CRHR2: variants seen among roughly 807,000 people sequenced by gnomAD.
The protein encoded by CRHR2 is corticotropin-releasing hormone receptor 2.
A neutral mutation model predicts 57.9 loss-of-function variants in CRHR2; 53 were observed. That is an observed-to-expected ratio of 0.92 (90% CI 0.73 to 1.15). The LOEUF (loss-of-function observed/expected upper bound fraction) is 1.15, where lower values mean the gene tolerates loss of function less well. CRHR2 is among the 50% of genes most tolerant of loss of function. The pLI, the probability that CRHR2 is intolerant of heterozygous loss-of-function variation, is 0.00. For missense variants in CRHR2, 532 were observed against 542.6 expected (o/e 0.98, Z 0.19); for synonymous variants, 213 against 220.9 (o/e 0.96, Z 0.32).
At chr7:30,673,168 A>C (rs1784417738) in intron 2 of CRHR2, among the ~76,000 whole-genome samples, 1 of 151,440 alleles carries the variant, frequency 6.6e-6, no homozygotes. Context: ...CCTGGGGCCT[A>C]GTTGAGAAAT....
At chr7:30,698,525 G>A (rs1441418404) in intron 1 of CRHR2, among the ~76,000 whole-genome samples, 1 of 152,198 alleles carries the variant, frequency 6.6e-6, no homozygotes, top group African/African-American at 2.4e-5. Flanking sequence ...TGTCTTGGGG[G>A]CAGAGGGGTG....
intron 8 of CRHR2, among the ~76,000 whole-genome samples, chr7:30,657,083 TCACA>T (rs55909312): frequency 0.028 from 4,114 of 145,572 alleles, 130 homozygotes; most frequent in African/African-American, 0.084. Context: ...ACACACCCAC[TCACA>T]CACACACACA....
At chr7:30,686,414 C>T, upstream of CRHR2, 1 of 1,534,284 alleles carries the variant, frequency 6.5e-7, no homozygotes, top group East Asian at 2.4e-5. Flanking sequence ...GAGGAAAGCC[C>T]AGGTCCCTGT....
intron 2 of CRHR2, among the ~76,000 whole-genome samples, chr7:30,670,335 C>T (rs1473721883): frequency 6.6e-6 from 1 of 152,210 alleles, no homozygotes; most frequent in Non-Finnish European, 1.5e-5. Flanking sequence ...TCTCTTTGGA[C>T]CTAATCCTTC....
chr7:30,685,025 G>T (rs537314421), upstream of CRHR2, among the ~76,000 whole-genome samples: 2 of 152,330 alleles, frequency 1.3e-5, no homozygotes, highest in East Asian at 3.9e-4. Flanking sequence ...ATAAGTATTT[G>T]GAACAGTTTG....
At chr7:30,662,649 G>A in intron 6 of CRHR2, 45 bp downstream of exon 6, 4 of 1,594,120 alleles carry the variant, frequency 2.5e-6, no homozygotes, top group Non-Finnish European at 1.7e-6. Flanking sequence ...GGCCTGGTGA[G>A]AAGTCCTCCC....
At chr7:30,689,191 C>T in exon 2 of CRHR2, 1 of 1,550,174 alleles carries the variant, frequency 6.5e-7, no homozygotes, top group Non-Finnish European at 8.7e-7. Flanking sequence ...GGGTACCTAC[C>T]TGAGAGGTTG....
intron 2 of CRHR2, among the ~76,000 whole-genome samples, chr7:30,678,491 G>C (rs1384822191): frequency 6.6e-6 from 1 of 152,190 alleles, no homozygotes; most frequent in Non-Finnish European, 1.5e-5. Context: ...CCATGCGCTA[G>C]TCCCTTCCCT....
chr7:30,659,865 T>C (rs1216275192), intron 8 of CRHR2, among the ~76,000 whole-genome samples: 2 of 152,214 alleles, frequency 1.3e-5, no homozygotes, highest in African/African-American at 2.4e-5. Context: ...GAGCCTGAAA[T>C]TACTGAGCCT....
rs573742338 is a variant in CRHR2, at chr7:30,656,016, G to A, written c.832-4C>T. On this transcript the variant is annotated splice_region_variant and splice_polypyrimidine_tract_variant and intron_variant, in intron 8 of 11. Transcript: ENST00000471646. This position sits in a 1 kb window ranked among gnomAD's most constrained non-coding sequence, Gnocchi z 4.4. ...TGAACAGAAATACGAAATTGATCTG[G>A]AGGGAGGGCGGGCATGGGAAAGAGG... 1.1e-5 allele frequency: 17 copies of A among 1,609,390 alleles called. No individual in the cohort carries two copies. The South Asian group carries it at 1.9e-4, about 18-fold the overall frequency.
intron 1 of CRHR2, among the ~76,000 whole-genome samples, chr7:30,698,857 G>A (rs1460399997): frequency 3.3e-5 from 5 of 152,224 alleles, no homozygotes; most frequent in Admixed American, 6.5e-5. Flanking sequence ...AGTAAGCACC[G>A]TTGTGATCCT....
intron 8 of CRHR2, among the ~76,000 whole-genome samples, chr7:30,659,544 CTG>C (rs1487367558): frequency 6.6e-6 from 1 of 152,178 alleles, no homozygotes; most frequent in African/African-American, 2.4e-5. Context: ...ATCCTACTAG[CTG>C]CTGACAAAAC....
Position 30,667,330 on chromosome 7 carries a change from C to A in CRHR2, c.230-17G>T. On this transcript the variant is annotated splice_polypyrimidine_tract_variant and intron_variant, in intron 2 of 11. Coordinates refer to ENST00000471646, the MANE Select transcript of CRHR2 (RefSeq NM_001883.5). ...AGGCATTCCCTACAAAAAATGCCAA[C>A]TGCCAAGAGTCAGGTCACTCCCCTC... 3 of 1,612,314 alleles carry A rather than the reference C, an allele frequency of 1.9e-6. No homozygotes were observed. The highest frequency in any genetic ancestry group is 1.7e-6 in the Non-Finnish European group (2 of 1,178,374).
rs546687570 is a variant in CRHR2, at chr7:30,665,969, T to C, written c.316-330A>G. The stretch of plus-strand genomic sequence containing the variant: ...TTGATCTGCAGGCCTGAAGCAATCC[T>C]CCCACCTCAGCCTCTGAAGTAGCTG... On this transcript the variant is annotated intron_variant, in intron 3 of 11. Coordinates refer to ENST00000471646, the MANE Select transcript of CRHR2 (RefSeq NM_001883.5). The surrounding 1 kb of genome is among the most constrained non-coding windows in gnomAD (Gnocchi z 4.5). Among the ~76,000 whole-genome samples the C allele has an allele frequency of 7.9e-4, 120 of 152,268 alleles. No homozygotes were observed. The highest frequency in any genetic ancestry group is 2.7e-3 in the African/African-American group (113 of 41,544).
chr7:30,655,429 C>G (rs1445950623), intron 10 of CRHR2, 151 bp downstream of exon 10: 5 of 1,009,728 alleles, frequency 5.0e-6, no homozygotes, highest in Non-Finnish European at 7.1e-6. Context: ...ACTGGCCAGG[C>G]TCAGGCTGAG....
intron 7 of CRHR2, 24 bp downstream of exon 7, chr7:30,662,132 C>G (rs201449864): frequency 6.2e-7 from 1 of 1,613,424 alleles, no homozygotes; most frequent in Non-Finnish European, 8.5e-7. Flanking sequence ...CCCATGACCC[C>G]CCATGGCTGG....
chr7:30,684,000 A>T (rs1296326759), upstream of CRHR2, among the ~76,000 whole-genome samples: 1 of 152,158 alleles, frequency 6.6e-6, no homozygotes, highest in Non-Finnish European at 1.5e-5. Context: ...GTGAGACCAC[A>T]CTAAGACCAG....
intron 5 of CRHR2, among the ~76,000 whole-genome samples, chr7:30,663,470 G>A (rs992476718): frequency 9.9e-5 from 15 of 152,184 alleles, no homozygotes; most frequent in Non-Finnish European, 1.5e-5. Context: ...AAGTAACCCT[G>A]CCTTCCAGGG....
Position 30,682,306 on chromosome 7 carries a change from G to A in CRHR2, c.-26C>T, listed in dbSNP as rs1010846570. The A allele has an allele frequency of 6.6e-7, 1 of 1,526,438 alleles. No homozygotes were observed. 94.6% of individuals were successfully genotyped at this position (1,526,438 alleles called of 1,614,324 possible). On this transcript the variant is annotated 5_prime_UTR_variant, in exon 1 of 12. Transcript: ENST00000471646. ...CGCGTCCCGCAGCCGCGTGCGGAGA[G>A]GGAGTGGGAGTGCGCGCCCGGCGTG...
Sources: gnomAD v4.1 joint callset for allele counts (sites outside exome capture counted in the v4.1 genomes callset) on GRCh38, gnomAD v4.1.1 for gene constraint, Gnocchi (gnomAD v3.1) non-coding constraint, MANE v1.5 for transcripts, NCBI Gene and HGNC (gene_info 2026-07-23, HGNC 2026-07-21) for gene names.